The following GRIK2 variants were observed in gnomAD, a reference collection of about 807,000 sequenced individuals.
GRIK2 encodes glutamate ionotropic receptor kainate type subunit 2.
A neutral mutation model predicts 100.3 loss-of-function variants in GRIK2; 32 were observed. That is an observed-to-expected ratio of 0.32 (90% CI 0.24 to 0.43). GRIK2 has a LOEUF of 0.43. Among genes scored for constraint, GRIK2 ranks in the 20% least tolerant of loss-of-function variants. The pLI is 1.00. For missense variants in GRIK2, 843 were observed against 1,114.9 expected (o/e 0.76, Z 3.47); for synonymous variants, 417 against 389.4 (o/e 1.07, Z -0.83).
At chr6:101,620,066 T>A (rs552813475) in intron 2 of GRIK2, 4 of 152,552 alleles carry the variant, frequency 2.6e-5, no homozygotes, top group Admixed American at 2.6e-4. Flanking sequence ...TTCTATGCAG[T>A]AACCTCCCTT....
intron 2 of GRIK2, among the ~76,000 whole-genome samples, chr6:101,543,686 C>G (rs1330049135): frequency 6.6e-6 from 1 of 152,172 alleles, no homozygotes; most frequent in Non-Finnish European, 1.5e-5. Flanking sequence ...TTCAGTCTCT[C>G]TGTGACTGGG....
chr6:101,838,414 A>G (rs1278027993), intron 10 of GRIK2, among the ~76,000 whole-genome samples: 3 of 152,132 alleles, frequency 2.0e-5, no homozygotes, highest in Non-Finnish European at 4.4e-5. Context: ...CTGTAACTCT[A>G]TATATTTTCA....
At chr6:101,706,193 T>G (rs948966483) in intron 7 of GRIK2, among the ~76,000 whole-genome samples, 3 of 151,934 alleles carry the variant, frequency 2.0e-5, no homozygotes, top group African/African-American at 7.2e-5. Context: ...CTGAATTTTC[T>G]TGTCTTTGTT....
At chr6:101,920,813 G>C (rs1413563580) in intron 12 of GRIK2, among the ~76,000 whole-genome samples, 1 of 151,332 alleles carries the variant, frequency 6.6e-6, no homozygotes, top group Non-Finnish European at 1.5e-5. Flanking sequence ...TTGAAGGAAA[G>C]TGTGAAGAAT....
At chr6:101,928,226 A>C in intron 13 of GRIK2, 189 bp from the exon 14 acceptor site, 1 of 592,278 alleles carries the variant, frequency 1.7e-6, no homozygotes, top group South Asian at 2.1e-5. Context: ...AATGTCCTAA[A>C]AGATTGTCTA....
intron 2 of GRIK2, among the ~76,000 whole-genome samples, chr6:101,477,321 G>A (rs1421048439): frequency 6.6e-6 from 1 of 152,156 alleles, no homozygotes; most frequent in Admixed American, 6.5e-5. Context: ...GAGAAGAGCA[G>A]CAAGACATCA....
At chr6:101,665,258 C>G (rs550398547) in intron 4 of GRIK2, among the ~76,000 whole-genome samples, 2 of 152,234 alleles carry the variant, frequency 1.3e-5, no homozygotes, top group African/African-American at 4.8e-5. Flanking sequence ...TACTGCTTCC[C>G]CCATCCAGAA....
At position 101,533,392 on chromosome 6, in the gene GRIK2, AAAG is replaced by A. The variant is rs1775536404; in HGVS notation, c.116-88556_116-88554del. ...ATTAATGTATCAATTAGAACAAAAA[AAAG>A]CATTGATGTATATCAGAGAAAAAAA... On this transcript the variant is annotated intron_variant, in intron 2 of 16. Transcript: ENST00000369134. Among the ~76,000 whole-genome samples the A allele has an allele frequency of 6.2e-5, 9 of 145,948 alleles. No homozygotes were observed. The South Asian group carries it at 1.9e-3, about 32-fold the overall frequency.
chr6:101,760,636 A>AATTATATGTTTAATTATGTT (rs1562364569), intron 7 of GRIK2, among the ~76,000 whole-genome samples: 2 of 106,496 alleles, frequency 1.9e-5, no homozygotes, highest in Admixed American at 1.3e-4. Flanking sequence ...TTAATTATAT[A>AATTATATGTTTAATTATGTT]TAATTATATA....
At chr6:102,007,137 T>G (rs1366237569) in intron 14 of GRIK2, among the ~76,000 whole-genome samples, 2 of 152,132 alleles carry the variant, frequency 1.3e-5, no homozygotes, top group Admixed American at 6.6e-5. Context: ...CCAAATTGAA[T>G]ATGGATGGTT....
At chr6:101,711,059 G>A (rs555146137) in intron 7 of GRIK2, among the ~76,000 whole-genome samples, 17 of 151,628 alleles carry the variant, frequency 1.1e-4, no homozygotes, top group African/African-American at 3.6e-4. Flanking sequence ...GATGAGTGTC[G>A]CATTAAGATT....
rs768474288 is a variant in GRIK2 at position 101,686,197 on chromosome 6, T to C, written c.795T>C (p.Asp265=). Residue 265 remains aspartate, a synonymous_variant, in exon 7 of 17, where the codon GAT becomes GAC. Coordinates refer to ENST00000369134, the MANE Select transcript of GRIK2 (RefSeq NM_021956.5). Reference sequence around the variant, plus strand: ...TCTTTCAGGACCTCTTTGCTCTTGATGTTGAGCCCTACCGATACAGTGGTG... The same window carrying C: ...TCTTTCAGGACCTCTTTGCTCTTGACGTTGAGCCCTACCGATACAGTGGTG... ...IFTTLDLFAL[D]VEPYRYSGVN... The C allele has an allele frequency of 1.9e-6, 3 of 1,611,854 alleles. No homozygotes were observed. In the East Asian group the frequency reaches 6.7e-5, roughly 36 times the overall value.
At chr6:101,465,430 G>T (rs2128253802) in intron 2 of GRIK2, among the ~76,000 whole-genome samples, 1 of 152,140 alleles carries the variant, frequency 6.6e-6, no homozygotes, top group Middle Eastern at 3.4e-3. Flanking sequence ...CATCCATGTT[G>T]CTGCAAAAAA....
chr6:101,814,784 G>A (rs545123010), intron 9 of GRIK2, among the ~76,000 whole-genome samples: 47 of 152,124 alleles, frequency 3.1e-4, no homozygotes, highest in African/African-American at 1.1e-3. Flanking sequence ...GTTGAATCAC[G>A]ATATGTTCAT....
chr6:101,580,409 G>A (rs1778018790), intron 2 of GRIK2, among the ~76,000 whole-genome samples: 1 of 152,052 alleles, frequency 6.6e-6, no homozygotes, highest in Non-Finnish European at 1.5e-5. Context: ...AGTCAAATCT[G>A]TCAGCTCTAC....
chr6:101,881,471 TATA>T (rs1562461236), intron 11 of GRIK2, among the ~76,000 whole-genome samples: 1 of 151,848 alleles, frequency 6.6e-6, no homozygotes, highest in Admixed American at 6.6e-5. Flanking sequence ...TAATATCTAT[TATA>T]ATAATAGAAA....
intron 7 of GRIK2, among the ~76,000 whole-genome samples, chr6:101,748,993 GGAATT>G (rs1442490206): frequency 6.6e-6 from 1 of 152,074 alleles, no homozygotes; most frequent in East Asian, 1.9e-4. Flanking sequence ...TTATTTTAAA[GGAATT>G]GAATTAGGGC....
Position 101,626,630 on chromosome 6 carries a change from C to G in GRIK2, c.534C>G (p.Asp178Glu), listed in dbSNP as rs1399229423. The G allele has an allele frequency of 6.2e-7, 1 of 1,613,266 alleles. No homozygotes were observed. The highest frequency in any genetic ancestry group is 2.2e-5 in the East Asian group (1 of 44,812). The change falls in exon 4 of 17, where the codon GAC (aspartate) becomes GAG (glutamate). Residue 178 changes from aspartate (D) to glutamate (E), a missense_variant. Asp to Glu is a conservative substitution (Grantham distance 45). This residue lies in a region of GRIK2 where 519 missense variants were observed against 643.8 expected (regional missense o/e 0.81). Transcript: ENST00000369134. ...KWKTVTVVYD[D>E]STGLIRLQEL... ...AAACCGTCACGGTTGTGTATGATGA[C>G]AGCACTGGTAAGAAAAATCAGTATC...
intron 14 of GRIK2, among the ~76,000 whole-genome samples, chr6:101,961,734 T>G (rs557038177): frequency 1.1e-4 from 17 of 152,152 alleles, no homozygotes; most frequent in African/African-American, 3.9e-4. Context: ...TCCCTTCCCC[T>G]AGGGAGAGCT....
Sources: gnomAD v4.1 joint callset for allele counts (sites outside exome capture counted in the v4.1 genomes callset) on GRCh38, gnomAD v4.1.1 for gene constraint, gnomAD v4.1.1 regional missense constraint, MANE v1.5 for transcripts, NCBI Gene and HGNC (gene_info 2026-07-23, HGNC 2026-07-21) for gene names.